The following DNAH8 variants were observed in gnomAD, a reference collection of about 807,000 sequenced individuals.
DNAH8 encodes the protein axonemal beta dynein heavy chain 8.
A neutral mutation model predicts 562.1 loss-of-function variants in DNAH8; 382 were observed. The observed-to-expected ratio is 0.68, with a 90% CI of 0.63 to 0.74. The LOEUF (loss-of-function observed/expected upper bound fraction) is 0.74, where lower values mean the gene tolerates loss of function less well. Ranked by LOEUF, DNAH8 falls within the 30% of genes least tolerant of loss-of-function variation. DNAH8 has a pLI of 0.00. For synonymous variants in DNAH8, 1,881 were observed against 1,919.4 expected (o/e 0.98, Z 0.52); for missense variants, 5,203 against 5,620.4 (o/e 0.93, Z 2.37).
intron 24 of DNAH8, among the ~76,000 whole-genome samples, chr6:38,810,491 C>A (rs1365962995): frequency 2.0e-5 from 3 of 151,982 alleles, no homozygotes; most frequent in Non-Finnish European, 2.9e-5. Context: ...GCTAGGGAGG[C>A]TGTGGCAGGA....
At position 38,894,598 on chromosome 6, in the gene DNAH8, C is replaced by A. The variant is rs886704647; in HGVS notation, c.8584-103C>A. The A allele has an allele frequency of 4.3e-6, 4 of 924,674 alleles. No homozygotes were observed. The African/African-American group carries it at 5.0e-5, about 11-fold the overall frequency. 57.3% of individuals were successfully genotyped at this position (924,674 alleles called of 1,614,324 possible). A position where few individuals can be genotyped will look rare whatever the true frequency, so the allele number is the denominator to read the frequency against. ...ACTTAATCTTGATTTATTTACTCAG[C>A]AGATTTTATCTAAAATAGGATTTGT... On this transcript the variant is annotated intron_variant, in intron 58 of 92. Transcript: ENST00000327475.
intron 82 of DNAH8, among the ~76,000 whole-genome samples, chr6:38,965,612 C>A (rs1762917898): frequency 1.3e-5 from 2 of 152,190 alleles, no homozygotes; most frequent in African/African-American, 4.8e-5. Context: ...TAAAGTCTTT[C>A]AAATACAAAC....
At chr6:38,922,973 A>G in intron 71 of DNAH8, 85 bp from the exon 72 acceptor site, 1 of 1,370,242 alleles carries the variant, frequency 7.3e-7, no homozygotes, top group Admixed American at 2.3e-5. Context: ...AAATTCCCCC[A>G]TGTATTTTTA....
At chr6:38,736,118 A>G (rs1227583349) in intron 5 of DNAH8, among the ~76,000 whole-genome samples, 1 of 151,908 alleles carries the variant, frequency 6.6e-6, no homozygotes, top group Non-Finnish European at 1.5e-5. Flanking sequence ...AGCTTGGGCT[A>G]CAGAGTGAGA....
intron 88 of DNAH8, among the ~76,000 whole-genome samples, chr6:38,998,694 AGTT>A (rs1283591177): frequency 2.6e-5 from 4 of 152,048 alleles, no homozygotes; most frequent in African/African-American, 9.7e-5. Flanking sequence ...TCTGTTTTTC[AGTT>A]GTTTTGCATT....
chr6:38,927,676 T>C lies in DNAH8; in HGVS notation c.11118+1466T>C, dbSNP rs555187252. On this transcript the variant is annotated intron_variant, in intron 74 of 92. Transcript: ENST00000327475. The stretch of plus-strand genomic sequence containing the variant: ...TTCAATCTCCCTGCTCATCTTATTC[T>C]TGGAACCTTGCCTGGACATCCTTAG... Among the ~76,000 whole-genome samples, 45 of 152,250 alleles carry C rather than the reference T, an allele frequency of 3.0e-4. No individual in the cohort carries two copies. The South Asian group carries it at 9.3e-3, about 32-fold the overall frequency.
At chr6:38,939,077 A>G in intron 79 of DNAH8, 89 bp downstream of exon 79, 1 of 1,001,930 alleles carries the variant, frequency 1.0e-6, no homozygotes, top group Non-Finnish European at 1.4e-6. Context: ...TCTGTGATAC[A>G]GTAGGGAAAT....
At chr6:38,853,995 A>G (rs1775978638) in intron 41 of DNAH8, among the ~76,000 whole-genome samples, 1 of 151,704 alleles carries the variant, frequency 6.6e-6, no homozygotes, top group South Asian at 2.1e-4. Flanking sequence ...TGTACCATTG[A>G]AAGTTGGGGA....
At chr6:38,914,323 AAAAG>A (rs1781127478) in intron 67 of DNAH8, among the ~76,000 whole-genome samples, 1 of 150,234 alleles carries the variant, frequency 6.7e-6, no homozygotes, top group Non-Finnish European at 1.5e-5. Context: ...TTTTTTTTTT[AAAAG>A]AAAGAAAGAG....
At chr6:38,828,921 A>G (rs780458267) in intron 30 of DNAH8, among the ~76,000 whole-genome samples, 20 of 152,142 alleles carry the variant, frequency 1.3e-4, no homozygotes, top group Non-Finnish European at 2.5e-4. Flanking sequence ...GGCAACCACT[A>G]ATCTACTTTC....
intron 88 of DNAH8, among the ~76,000 whole-genome samples, chr6:38,995,660 T>C (rs539095524): frequency 6.6e-6 from 1 of 152,378 alleles, no homozygotes; most frequent in African/African-American, 2.4e-5. Context: ...TAGTCTTTAA[T>C]CTGGTCTAAT....
At chr6:38,992,474 T>A (rs1021956643) in intron 88 of DNAH8, among the ~76,000 whole-genome samples, 5 of 152,166 alleles carry the variant, frequency 3.3e-5, no homozygotes. Flanking sequence ...ATGAGGAGAT[T>A]CCATAGAAAG....
At chr6:38,807,770 G>A (rs539366868) in intron 24 of DNAH8, 54 bp downstream of exon 24, 29 of 885,582 alleles carry the variant, frequency 3.3e-5, no homozygotes, top group South Asian at 6.1e-5. Context: ...AATGTGAATA[G>A]CACCTCTTAT....
chr6:38,845,455 C>T, intron 35 of DNAH8, 119 bp from the exon 36 acceptor site: 1 of 686,798 alleles, frequency 1.5e-6, no homozygotes, highest in South Asian at 1.9e-5. Flanking sequence ...TGTAAAATGA[C>T]TAAATGAACT....
In DNAH8 at chr6:38,990,029, G is replaced by C; in HGVS notation, c.13071G>C (p.Lys4357Asn). The C allele has an allele frequency of 6.3e-7, 1 of 1,597,244 alleles. No individual in the cohort carries two copies. The highest frequency in any genetic ancestry group is 8.6e-7 in the Non-Finnish European group (1 of 1,166,980). Reference protein sequence around the residue: ...NCFARVWFSEKMFEPSFCFYT... With the variant: ...NCFARVWFSENMFEPSFCFYT... ...ACATACAGGTCTGGTTCAGTGAGAA[G>C]ATGTTTGAACCGTCATTCTGCTTTT... Residue 4357 changes from lysine to asparagine, a missense_variant, in exon 88 of 93, where the codon AAG becomes AAC. Physicochemically the swap from Lys to Asn is moderately conservative, Grantham distance 94. This residue lies in a region of DNAH8 where 1,399 missense variants were observed against 1,518.4 expected (regional missense o/e 0.92). Transcript: ENST00000327475.
intron 82 of DNAH8, among the ~76,000 whole-genome samples, chr6:38,960,773 A>G (rs1762556317): frequency 6.6e-6 from 1 of 152,056 alleles, no homozygotes; most frequent in Non-Finnish European, 1.5e-5. Flanking sequence ...ATACATATCC[A>G]AAAGAGGTGC....
chr6:38,912,817 T>C lies in DNAH8; in HGVS notation c.9860-1032T>C, dbSNP rs528302668. On this transcript the variant is annotated intron_variant, in intron 66 of 92. Transcript: ENST00000327475. ...TTCTTAGTTTTACTCTTTTTTTTTTTCTTTTTCTTTGAGACAGAGTTTTGC... is the reference window on the plus strand; with the variant it reads ...TTCTTAGTTTTACTCTTTTTTTTTTCCTTTTTCTTTGAGACAGAGTTTTGC... 1.4e-4 allele frequency among the ~76,000 whole-genome samples: 21 copies of C among 152,226 alleles called. No homozygotes were observed. The East Asian group carries it at 4.1e-3, about 29-fold the overall frequency.
intron 8 of DNAH8, among the ~76,000 whole-genome samples, chr6:38,745,029 C>G (rs185253542): frequency 1.2e-4 from 18 of 152,342 alleles, no homozygotes; most frequent in African/African-American, 3.6e-4. Context: ...CCATACTGCT[C>G]TTTATCTGAA....
chr6:38,913,326 C>T (rs1291235883), intron 66 of DNAH8, among the ~76,000 whole-genome samples: 12 of 152,140 alleles, frequency 7.9e-5, no homozygotes, highest in South Asian at 4.1e-4. Context: ...ACCTAGAACC[C>T]GTTGGAATGT....
Sources: allele counts gnomAD v4.1 joint callset (sites outside exome capture counted in the v4.1 genomes callset), GRCh38; gene constraint gnomAD v4.1.1; regional missense constraint gnomAD v4.1.1; transcripts MANE v1.5; gene names NCBI Gene and HGNC (gene_info 2026-07-23, HGNC 2026-07-21).